The following C2orf15 variants were observed in gnomAD, a reference collection of about 807,000 sequenced individuals.
The protein encoded by C2orf15 is chromosome 2 open reading frame 15, also known as uncharacterized protein C2orf15.
In C2orf15, 3 loss-of-function variants were observed where a neutral mutation model predicts 4.4. The ratio of observed to expected loss-of-function variants is 0.67; its 90% confidence interval spans 0.31 to 1.74. The LOEUF (loss-of-function observed/expected upper bound fraction) is 1.74, where lower values mean the gene tolerates loss of function less well. Ranked by LOEUF, C2orf15 falls within the 40% of genes most tolerant of loss-of-function variation. The pLI, the probability that C2orf15 is intolerant of heterozygous loss-of-function variation, is 0.09. For synonymous variants in C2orf15, 37 were observed against 36.8 expected (o/e 1.00, Z -0.02); for missense variants, 90 against 103.3 (o/e 0.87, Z 0.56).
rs1553512810 is a variant in C2orf15, at chr2:99,149,177, A to AAG, written c.-76-1305_-76-1304insGA. Among the ~76,000 whole-genome samples the AAG allele has an allele frequency of 2.0e-5, 3 of 151,154 alleles. No homozygotes were observed. The East Asian group carries it at 5.9e-4, about 30-fold the overall frequency. On this transcript the variant is annotated intron_variant, in intron 3 of 3. Transcript: ENST00000650052. ...AGGGTGAAACTCCATCTCAAAAAAA[A>AAG]AAAAAAAATGGGTGAGGGATTTCGA...
At chr2:99,150,052 A>G (rs571991570) in intron 3 of C2orf15, among the ~76,000 whole-genome samples, 1 of 152,132 alleles carries the variant, frequency 6.6e-6, no homozygotes, top group African/African-American at 2.4e-5. Flanking sequence ...CTCGGCCCCC[A>G]AAGTGCTGGG....
intron 2 of C2orf15, among the ~76,000 whole-genome samples, chr2:99,144,051 C>T (rs566317845): frequency 6.6e-6 from 1 of 151,658 alleles, no homozygotes; most frequent in African/African-American, 2.4e-5. Context: ...GATGGAGTCT[C>T]GCTTTGTCTC....
chr2:99,145,384 C>T (rs995012657), intron 2 of C2orf15, among the ~76,000 whole-genome samples: 1 of 151,896 alleles, frequency 6.6e-6, no homozygotes, highest in Non-Finnish European at 1.5e-5. Flanking sequence ...ATGGCAAAAC[C>T]CTGTCTCTCC....
At chr2:99,149,785 C>CTT (rs70940143) in intron 3 of C2orf15, among the ~76,000 whole-genome samples, 44 of 112,398 alleles carry the variant, frequency 3.9e-4, no homozygotes, top group African/African-American at 1.4e-3. Context: ...TCACAAGTAT[C>CTT]TTTTTTTTTT....
chr2:99,144,985 C>G (rs544536004), intron 2 of C2orf15, among the ~76,000 whole-genome samples: 3 of 152,300 alleles, frequency 2.0e-5, no homozygotes, highest in Non-Finnish European at 1.5e-5. Flanking sequence ...TTACCACACA[C>G]TTGGTGTCTT....
Position 99,147,481 on chromosome 2 carries a change from TG to T in C2orf15, c.-85del, listed in dbSNP as rs776630943. ...TGTTCACCCTTCATGTCCTCAACTC[TG>T]GGGAAGTTAAGGTAAGACTCACAGG... On this transcript the variant is annotated 5_prime_UTR_variant, in exon 3 of 4. The change creates a premature stop within an existing upstream ORF in the 5' untranslated region. Transcript: ENST00000650052. The T allele has an allele frequency of 6.2e-7, 1 of 1,614,040 alleles. No individual in the cohort carries two copies. Among genetic ancestry groups the T allele is most frequent in the South Asian group, 1.1e-5 (1 of 91,070 alleles).
chr2:99,148,236 T>C (rs1023015771), intron 3 of C2orf15: 1 of 152,236 alleles, frequency 6.6e-6, no homozygotes, highest in East Asian at 1.9e-4. Context: ...ACAGGAGTAT[T>C]TCCTTTCTAA....
chr2:99,149,605 G>A (rs756421902), intron 3 of C2orf15, among the ~76,000 whole-genome samples: 13 of 151,076 alleles, frequency 8.6e-5, no homozygotes, highest in Non-Finnish European at 1.6e-4. Context: ...ACCACGCCCG[G>A]CTAATTCTTG....
rs2093688218 is a variant in C2orf15 at position 99,150,979 on chromosome 2, A to G, written c.*145A>G. On this transcript the variant is annotated 3_prime_UTR_variant, in exon 4 of 4. Coordinates refer to ENST00000650052, the MANE Select transcript of C2orf15 (RefSeq NM_144706.4). Reference sequence around the variant, plus strand: ...TTGCACTATTTGTGAATCATCTTACACTGCATTTTTTTATGATGCTTATTC... The same window carrying G: ...TTGCACTATTTGTGAATCATCTTACGCTGCATTTTTTTATGATGCTTATTC... 1 of 540,596 alleles carries G rather than the reference A, an allele frequency of 1.8e-6. No individual in the cohort carries two copies. Among genetic ancestry groups the G allele is most frequent in the Admixed American group, 3.7e-5 (1 of 27,362 alleles). 33.5% of individuals were successfully genotyped at this position (540,596 alleles called of 1,614,324 possible). A position where few individuals can be genotyped will look rare whatever the true frequency, so the allele number is the denominator to read the frequency against.
At chr2:99,149,738 G>A (rs1488843902) in intron 3 of C2orf15, among the ~76,000 whole-genome samples, 3 of 148,538 alleles carry the variant, frequency 2.0e-5, no homozygotes, top group East Asian at 2.0e-4. Flanking sequence ...CACTGCGCTC[G>A]GCCGATCATC....
rs934430464 is a variant in C2orf15 at position 99,141,743 on chromosome 2, T to A, written c.-480T>A. ...CCGCCTTCCCTCAGCTTGAAACACCTGCTGCTTCGCGGCGGTGGCTTTGTG... is the reference window on the plus strand; with the variant it reads ...CCGCCTTCCCTCAGCTTGAAACACCAGCTGCTTCGCGGCGGTGGCTTTGTG... On this transcript the variant is annotated 5_prime_UTR_variant, in exon 1 of 4. Transcript: ENST00000650052. 6.5e-6 allele frequency: 1 copy of A among 152,916 alleles called. No homozygotes were observed. Among genetic ancestry groups the A allele is most frequent in the Non-Finnish European group, 1.5e-5 (1 of 68,190 alleles). 9.5% of individuals were successfully genotyped at this position (152,916 alleles called of 1,614,324 possible).
At position 99,150,789 on chromosome 2, in the gene C2orf15, AT is replaced by A. The variant is rs1413594844; in HGVS notation, c.232del (p.Tyr78MetfsTer8). On this transcript the variant is annotated frameshift_variant, in exon 4 of 4. Coordinates refer to ENST00000650052, the MANE Select transcript of C2orf15 (RefSeq NM_144706.4). LOFTEE classifies it high-confidence loss of function. The part of the protein sequence containing the change: ...LSGKALGSVV[Y>X]VKESDGLEMT... ...CTGGGAAAGCCTTGGGTTCAGTGGT[AT>A]ATGTCAAAGAAAGTGATGGACTAGA... The A allele has an allele frequency of 1.2e-6, 2 of 1,605,868 alleles. No individual in the cohort carries two copies.
chr2:99,144,167 C>T (rs1470819686), intron 2 of C2orf15, among the ~76,000 whole-genome samples: 2 of 152,016 alleles, frequency 1.3e-5, no homozygotes, highest in Non-Finnish European at 2.9e-5. Context: ...ACTACAGGCG[C>T]CCACCACCAC....
At chr2:99,149,785 C>CCT (rs779013460) in intron 3 of C2orf15, among the ~76,000 whole-genome samples, 3 of 112,454 alleles carry the variant, frequency 2.7e-5, no homozygotes, top group African/African-American at 3.7e-5. Flanking sequence ...TCACAAGTAT[C>CCT]TTTTTTTTTT....
intron 3 of C2orf15, 62 bp downstream of exon 3, chr2:99,147,555 G>T: frequency 1.4e-6 from 2 of 1,429,566 alleles, no homozygotes; most frequent in East Asian, 4.6e-5. Flanking sequence ...CCTTTTATTA[G>T]ATTGAAGTTT....
At chr2:99,143,936 C>T (rs2093604093) in intron 2 of C2orf15, among the ~76,000 whole-genome samples, 1 of 151,946 alleles carries the variant, frequency 6.6e-6, no homozygotes, top group South Asian at 2.1e-4. Flanking sequence ...CTTCCTGATC[C>T]CCTCAAAAAA....
chr2:99,150,755 G>A lies in C2orf15; in HGVS notation c.197G>A (p.Gly66Glu), dbSNP rs1472299550. ...NFTRIEGTGT[G>E]SLSGKALGSV... ...ACAAGGATTGAAGGGACTGGCACAG[G>A]ATCTCTTTCTGGGAAAGCCTTGGGT... is the stretch of plus-strand genomic sequence containing the variant. Residue 66 changes from glycine (G) to glutamate (E), a missense_variant, in exon 4 of 4, where the codon GGA (glycine) becomes GAA (glutamate). Gly to Glu is a moderately conservative substitution (Grantham distance 98). Coordinates refer to ENST00000650052, the MANE Select transcript of C2orf15 (RefSeq NM_144706.4). The A allele has an allele frequency of 6.2e-7, 1 of 1,613,688 alleles. No homozygotes were observed. The highest frequency in any genetic ancestry group is 8.5e-7 in the Non-Finnish European group (1 of 1,179,910).
At chr2:99,148,998 A>G (rs1440986271) in intron 3 of C2orf15, among the ~76,000 whole-genome samples, 1 of 151,858 alleles carries the variant, frequency 6.6e-6, no homozygotes, top group Non-Finnish European at 1.5e-5. Flanking sequence ...AAAATAAATA[A>G]AAATAAAAAT....
chr2:99,142,219 T>C (rs1300239423), intron 1 of C2orf15, 66 bp from the exon 2 acceptor site: 1 of 152,260 alleles, frequency 6.6e-6, no homozygotes, highest in Non-Finnish European at 1.5e-5. Flanking sequence ...ATACCTACCA[T>C]GTCCCTTCTT....
Sources: gnomAD v4.1 joint callset for allele counts (sites outside exome capture counted in the v4.1 genomes callset) on GRCh38, gnomAD v4.1.1 for gene constraint, MANE v1.5 for transcripts, NCBI Gene and HGNC (gene_info 2026-07-23, HGNC 2026-07-21) for gene names.